ZFHX3: variants seen among roughly 807,000 people sequenced by gnomAD.
ZFHX3 encodes zinc finger homeobox 3, also known as zinc finger homeobox protein 3.
Under a neutral mutation model 279.1 loss-of-function variants are expected in ZFHX3, and 42 were observed. The ratio of observed to expected loss-of-function variants is 0.15; its 90% confidence interval spans 0.12 to 0.19. The LOEUF (loss-of-function observed/expected upper bound fraction) is 0.19, where lower values mean the gene tolerates loss of function less well. Ranked by LOEUF, ZFHX3 falls within the 10% of genes least tolerant of loss-of-function variation. The pLI is 1.00. For synonymous variants in ZFHX3, 2,293 were observed against 1,957.8 expected (o/e 1.17, Z -4.52); for missense variants, 4,981 against 4,754.0 (o/e 1.05, Z -1.40).
At chr16:73,801,414 G>A (rs1209324799) in intron 1 of ZFHX3, among the ~76,000 whole-genome samples, 4 of 152,182 alleles carry the variant, frequency 2.6e-5, no homozygotes, top group African/African-American at 9.7e-5. Flanking sequence ...TGAAGGCGGT[G>A]TTCAATCCTT....
At chr16:73,026,229 T>TCCA (rs1964495088) in intron 1 of ZFHX3, among the ~76,000 whole-genome samples, 1 of 98,648 alleles carries the variant, frequency 1.0e-5, no homozygotes, top group African/African-American at 3.9e-5. Context: ...AAAAGCCAGG[T>TCCA]GTGGTGGCAG....
chr16:73,053,604 A>C (rs1965489501), intron 1 of ZFHX3, among the ~76,000 whole-genome samples: 1 of 152,086 alleles, frequency 6.6e-6, no homozygotes, highest in African/African-American at 2.4e-5. Flanking sequence ...CGTGCCATGA[A>C]AATACCAGGG....
At chr16:72,790,358 C>G (rs1012362662) in intron 9 of ZFHX3, 1 of 152,092 alleles carries the variant, frequency 6.6e-6, no homozygotes, top group African/African-American at 2.4e-5. Flanking sequence ...CAGAGGACAC[C>G]AAAATGCAAA....
At chr16:73,072,732 T>C (rs896736608) in intron 8 of ZFHX3, among the ~76,000 whole-genome samples, 16 of 152,286 alleles carry the variant, frequency 1.1e-4, no homozygotes, top group African/African-American at 3.1e-4. Context: ...GCCAGGCTAA[T>C]TTGTTTTACA....
At chr16:73,159,380 T>C (rs1369789422) in intron 5 of ZFHX3, among the ~76,000 whole-genome samples, 2 of 140,984 alleles carry the variant, frequency 1.4e-5, no homozygotes, top group African/African-American at 6.5e-5. Context: ...CCATATGACT[T>C]TTTTTCGGCC....
rs886907414 is a variant in ZFHX3 at position 73,528,166 on chromosome 16, G to A, written c.-1546-71908C>T. 2.6e-5 allele frequency among the ~76,000 whole-genome samples: 4 copies of A among 152,194 alleles called. No homozygotes were observed. In the South Asian group the frequency reaches 6.2e-4, roughly 24 times the overall value. ...CATCTGCAAGGATTTGGTTCTGTTC[G>A]TGGGAAGGGAAATTCGATGCATTAT... is the stretch of plus-strand genomic sequence containing the variant. On this transcript the variant is annotated intron_variant, in intron 2 of 17. Transcript: ENST00000641206.
intron 1 of ZFHX3, among the ~76,000 whole-genome samples, chr16:72,985,024 A>T (rs1200048373): frequency 3.3e-5 from 5 of 152,044 alleles, no homozygotes; most frequent in African/African-American, 1.2e-4. Context: ...ACGTACCCCT[A>T]CCACCACCAC....
At chr16:73,572,041 A>C (rs1313312672) in intron 2 of ZFHX3, among the ~76,000 whole-genome samples, 1 of 152,154 alleles carries the variant, frequency 6.6e-6, no homozygotes, top group Non-Finnish European at 1.5e-5. Context: ...TAAGCAGAAC[A>C]GGAGTTTTAA....
intron 1 of ZFHX3, among the ~76,000 whole-genome samples, chr16:72,968,054 G>T (rs529690203): frequency 3.1e-4 from 47 of 151,512 alleles, no homozygotes; most frequent in African/African-American, 1.0e-3. Flanking sequence ...TGGAGAACCT[G>T]GCAGACACCA....
At chr16:73,067,898 A>G (rs761172823) in intron 8 of ZFHX3, among the ~76,000 whole-genome samples, 1 of 152,000 alleles carries the variant, frequency 6.6e-6, no homozygotes, top group Non-Finnish European at 1.5e-5. Flanking sequence ...CCAACCCACC[A>G]CCAAATGATG....
intron 2 of ZFHX3, among the ~76,000 whole-genome samples, chr16:73,538,194 T>C (rs2019941200): frequency 6.6e-6 from 1 of 151,232 alleles, no homozygotes; most frequent in Non-Finnish European, 1.5e-5. Context: ...TATCATTGTG[T>C]GTGTGTTTTT....
chr16:73,482,100 G>A (rs180845205), intron 2 of ZFHX3, among the ~76,000 whole-genome samples: 13 of 152,274 alleles, frequency 8.5e-5, no homozygotes, highest in Admixed American at 3.3e-4. Flanking sequence ...GCCACTCAGC[G>A]CAAGTGTATA....
At chr16:73,716,637 AC>A (rs768296236) in intron 1 of ZFHX3, among the ~76,000 whole-genome samples, 3,868 of 138,710 alleles carry the variant, frequency 0.028, 69 homozygotes, top group Non-Finnish European at 0.042. Context: ...ACACACACAC[AC>A]ACACACACAC....
chr16:73,113,474 C>A (rs372424219), intron 7 of ZFHX3, among the ~76,000 whole-genome samples: 1 of 152,182 alleles, frequency 6.6e-6, no homozygotes, highest in South Asian at 2.1e-4. Context: ...TCTATCCACA[C>A]CCATGTCCAC....
intron 2 of ZFHX3, chr16:73,609,410 C>A (rs907695241): frequency 6.6e-6 from 1 of 152,154 alleles, no homozygotes; most frequent in Non-Finnish European, 1.5e-5. Context: ...CAATTTAAAG[C>A]CCTTCACTAC....
intron 3 of ZFHX3, among the ~76,000 whole-genome samples, chr16:73,427,630 T>C (rs1326548361): frequency 6.6e-6 from 1 of 152,190 alleles, no homozygotes; most frequent in Admixed American, 6.5e-5. Flanking sequence ...CAGTAGCCAC[T>C]GACTAGCATT....
chr16:73,452,830 C>T (rs111660117), intron 3 of ZFHX3, among the ~76,000 whole-genome samples: 67 of 152,316 alleles, frequency 4.4e-4, no homozygotes, highest in African/African-American at 1.3e-3. Context: ...CAAAGTGCTG[C>T]CTTCCAACCA....
At chr16:72,988,664 C>T (rs1262167624) in intron 1 of ZFHX3, among the ~76,000 whole-genome samples, 8 of 152,218 alleles carry the variant, frequency 5.3e-5, no homozygotes, top group South Asian at 2.1e-4. Context: ...TCTATAAAGG[C>T]AGGTATCATG....
At chr16:73,805,326 G>T (rs1044207713) in intron 1 of ZFHX3, among the ~76,000 whole-genome samples, 10 of 152,108 alleles carry the variant, frequency 6.6e-5, no homozygotes, top group Middle Eastern at 3.4e-3. Context: ...CTGCCACTAC[G>T]CCTGGCTAAT....
Sources: allele counts gnomAD v4.1 joint callset (sites outside exome capture counted in the v4.1 genomes callset), GRCh38; gene constraint gnomAD v4.1.1; transcripts MANE v1.5; gene names NCBI Gene and HGNC (gene_info 2026-07-23, HGNC 2026-07-21).